The following BBOF1 variants were observed in gnomAD, a reference collection of about 807,000 sequenced individuals.
The protein encoded by BBOF1 is basal body-orientation factor 1.
BBOF1 carries 62 observed loss-of-function variants against 68.0 expected under a neutral mutation model. The observed-to-expected ratio is 0.91, with a 90% confidence interval of 0.74 to 1.13. The LOEUF (loss-of-function observed/expected upper bound fraction) is 1.13. BBOF1 is among the 50% of genes most tolerant of loss of function. The pLI, the probability that BBOF1 is intolerant of heterozygous loss-of-function variation, is 0.00. For missense variants in BBOF1, 534 were observed against 600.1 expected (o/e 0.89, Z 1.15); for synonymous variants, 208 against 198.8 (o/e 1.05, Z -0.39).
Position 74,029,165 on chromosome 14 carries a change from G to C in BBOF1, c.286-19G>C. 6.7e-7 allele frequency: 1 copy of C among 1,502,660 alleles called. No homozygotes were observed. The highest frequency in any genetic ancestry group is 1.2e-5 in the South Asian group (1 of 83,086). 93.1% of individuals were successfully genotyped at this position (1,502,660 alleles called of 1,614,324 possible). A position where few individuals can be genotyped will look rare whatever the true frequency, so the allele number is the denominator to read the frequency against. ...GCAGTTTCTTTATCTTCATGACCCTGTATTTTGATTTTCAACAGATTGAAA... is the reference window on the plus strand; with the variant it reads ...GCAGTTTCTTTATCTTCATGACCCTCTATTTTGATTTTCAACAGATTGAAA... On this transcript the variant is annotated intron_variant, in intron 2 of 11. Transcript: ENST00000394009.
intron 3 of BBOF1, among the ~76,000 whole-genome samples, chr14:74,030,939 T>TAGAG (rs1491508222): frequency 4.8e-5 from 7 of 145,234 alleles, no homozygotes; most frequent in Non-Finnish European, 9.1e-5. Flanking sequence ...TATATATATA[T>TAGAG]AGAGAGAGAG....
chr14:74,043,725 G>A (rs1031238992), intron 5 of BBOF1, among the ~76,000 whole-genome samples: 1 of 150,284 alleles, frequency 6.7e-6, no homozygotes, highest in African/African-American at 2.4e-5. Context: ...TAGAGACAGG[G>A]TTTCACCATG....
At chr14:74,067,207 G>A (rs2060480765), downstream of BBOF1, among the ~76,000 whole-genome samples, 1 of 151,986 alleles carries the variant, frequency 6.6e-6, no homozygotes. Context: ...GACAGCCTGT[G>A]CTTTAAAAAA....
In BBOF1 at chr14:74,057,449, G is replaced by A. The variant is rs1595095333; in HGVS notation, c.1578+191G>A. The A allele has an allele frequency of 3.4e-6, 5 of 1,465,222 alleles. No homozygotes were observed. In the East Asian group the frequency reaches 1.3e-4, roughly 37 times the overall value. 90.8% of individuals were successfully genotyped at this position (1,465,222 alleles called of 1,614,324 possible). A position where few individuals can be genotyped will look rare whatever the true frequency, so the allele number is the denominator to read the frequency against. On this transcript the variant is annotated intron_variant, in intron 11 of 11. Transcript: ENST00000394009. Reference sequence around the variant, plus strand: ...CCGTACAAATGCATATTATACTAATGCAAATGCAAATGTGTGCCTCTTTTT... The same window carrying A: ...CCGTACAAATGCATATTATACTAATACAAATGCAAATGTGTGCCTCTTTTT...
downstream of BBOF1, among the ~76,000 whole-genome samples, chr14:74,070,075 A>G (rs2060528310): frequency 6.6e-6 from 1 of 151,876 alleles, no homozygotes. Flanking sequence ...TCCTGGGCTC[A>G]AGTGATCCGC....
chr14:74,020,769 G>A (rs2059267004), intron 1 of BBOF1, among the ~76,000 whole-genome samples: 1 of 152,134 alleles, frequency 6.6e-6, no homozygotes, highest in South Asian at 2.1e-4. Context: ...CTCCCAAAGT[G>A]CTGGGATGAC....
chr14:74,081,746 T>G (rs993859875), intron 12 of BBOF1, among the ~76,000 whole-genome samples: 1 of 152,222 alleles, frequency 6.6e-6, no homozygotes. Context: ...TGTTTATCAC[T>G]TATTGCAGTA....
intron 1 of BBOF1, among the ~76,000 whole-genome samples, chr14:74,019,768 T>A (rs2059215249): frequency 6.6e-6 from 1 of 152,240 alleles, no homozygotes; most frequent in African/African-American, 2.4e-5. Flanking sequence ...TTTTCAGAGA[T>A]CTCTTTTGGT....
At chr14:74,035,051 G>A (rs1466039513) in intron 4 of BBOF1, among the ~76,000 whole-genome samples, 1 of 152,052 alleles carries the variant, frequency 6.6e-6, no homozygotes, top group East Asian at 1.9e-4. Context: ...GTGATTGCAC[G>A]ACTGCACTCC....
intron 10 of BBOF1, among the ~76,000 whole-genome samples, chr14:74,080,875 C>A (rs1029492700): frequency 6.6e-6 from 1 of 152,206 alleles, no homozygotes; most frequent in Non-Finnish European, 1.5e-5. Context: ...AAAGACTAAT[C>A]CCCTTGATGT....
chr14:74,072,094 C>T (rs754337863), intron 9 of BBOF1: 30 of 1,564,152 alleles, frequency 1.9e-5, no homozygotes, highest in East Asian at 1.8e-4. Flanking sequence ...TCATGATCAA[C>T]GTCTCTGCAT....
intron 10 of BBOF1, among the ~76,000 whole-genome samples, chr14:74,080,162 G>A (rs2060656664): frequency 6.6e-6 from 1 of 152,132 alleles, no homozygotes; most frequent in Non-Finnish European, 1.5e-5. Context: ...GTTGCCAAAG[G>A]AGAAACCCAG....
intron 2 of BBOF1, among the ~76,000 whole-genome samples, chr14:74,026,908 G>C (rs1259436061): frequency 6.7e-6 from 1 of 149,792 alleles, no homozygotes; most frequent in African/African-American, 2.5e-5. Flanking sequence ...CTCAGGGACA[G>C]AGTGAGACTC....
Position 74,049,685 on chromosome 14 carries a change from C to T in BBOF1, c.793-17C>T, listed in dbSNP as rs759616477. The T allele has an allele frequency of 7.1e-6, 11 of 1,555,470 alleles. No homozygotes were observed. The highest frequency in any genetic ancestry group is 2.1e-5 in the Admixed American group (1 of 46,794). On this transcript the variant is annotated splice_polypyrimidine_tract_variant and intron_variant, in intron 7 of 11. Transcript: ENST00000394009. ...TCAAAAGAAAAAAAAAATCACCTCT[C>T]ATCTTTCTGTTTTTAGGAGATCAAT...
chr14:74,044,784 G>A (rs936474125), intron 5 of BBOF1, among the ~76,000 whole-genome samples: 1 of 152,140 alleles, frequency 6.6e-6, no homozygotes, highest in Non-Finnish European at 1.5e-5. Flanking sequence ...AATTAGCTGG[G>A]CATGATGGTA....
At chr14:74,067,647 G>A (rs769798738), downstream of BBOF1, 10 of 1,484,168 alleles carry the variant, frequency 6.7e-6, no homozygotes, top group Admixed American at 1.5e-4. Flanking sequence ...AGTGGACCAG[G>A]TGTGGTGGCT....
chr14:74,021,958 G>A (rs180880479), intron 1 of BBOF1, among the ~76,000 whole-genome samples: 180 of 152,188 alleles, frequency 1.2e-3, no homozygotes, highest in African/African-American at 4.1e-3. Context: ...AAGTGGGTGG[G>A]AGATCACAGT....
intron 11 of BBOF1, 80 bp from the exon 12 acceptor site, chr14:74,064,608 T>G: frequency 1.4e-6 from 2 of 1,391,462 alleles, no homozygotes; most frequent in Non-Finnish European, 2.0e-6. Flanking sequence ...CCATGCTCTT[T>G]CCTCAAAACT....
chr14:74,061,416 C>T (rs543747504), intron 11 of BBOF1, among the ~76,000 whole-genome samples: 13 of 152,276 alleles, frequency 8.5e-5, no homozygotes, highest in South Asian at 8.3e-4. Context: ...ATTCTCCTGC[C>T]TCAGCCTTCT....
Sources: gnomAD v4.1 joint callset for allele counts (sites outside exome capture counted in the v4.1 genomes callset) on GRCh38, gnomAD v4.1.1 for gene constraint, MANE v1.5 for transcripts, NCBI Gene and HGNC (gene_info 2026-07-23, HGNC 2026-07-21) for gene names.